NRG1: variants seen among roughly 807,000 people sequenced by gnomAD.
NRG1 encodes pro-neuregulin-1, membrane-bound isoform.
A neutral mutation model predicts 63.8 loss-of-function variants in NRG1; 18 were observed. The observed-to-expected ratio is 0.28, with a 90% CI of 0.19 to 0.42. NRG1 has a LOEUF of 0.42. Ranked by LOEUF, NRG1 falls within the 10% of genes least tolerant of loss-of-function variation. The pLI, the probability that NRG1 is intolerant of heterozygous loss-of-function variation, is 1.00. For missense variants in NRG1, 762 were observed against 814.7 expected (o/e 0.94, Z 0.79); for synonymous variants, 302 against 301.3 (o/e 1.00, Z -0.02).
intron 1 of NRG1, among the ~76,000 whole-genome samples, chr8:31,753,032 C>G (rs1816639102): frequency 6.6e-6 from 1 of 151,984 alleles, no homozygotes; most frequent in Admixed American, 6.6e-5. Flanking sequence ...CAATCTCAAT[C>G]TCTTCCTCTC....
At chr8:32,311,749 C>G (rs975579089) in intron 1 of NRG1, among the ~76,000 whole-genome samples, 8 of 152,150 alleles carry the variant, frequency 5.3e-5, no homozygotes, top group African/African-American at 7.2e-5. Context: ...TAGCACAATG[C>G]CTGCCTCTGT....
At chr8:32,555,545 C>A (rs1401028063) in intron 1 of NRG1, among the ~76,000 whole-genome samples, 2 of 152,192 alleles carry the variant, frequency 1.3e-5, no homozygotes, top group African/African-American at 2.4e-5. Context: ...CATCTCGACT[C>A]ACTGCAAGCT....
intron 1 of NRG1, among the ~76,000 whole-genome samples, chr8:32,362,775 T>A (rs769018384): frequency 2.6e-5 from 4 of 152,214 alleles, no homozygotes; most frequent in African/African-American, 7.2e-5. Flanking sequence ...GCAGAAGTTG[T>A]ACAGATGCCA....
chr8:31,741,474 C>G (rs1017688951), intron 1 of NRG1, among the ~76,000 whole-genome samples: 2 of 142,862 alleles, frequency 1.4e-5, no homozygotes, highest in African/African-American at 4.9e-5. Flanking sequence ...ATATGGAATA[C>G]ATTTAACCTA....
chr8:31,639,557 AGCAGCCGCC>A, intron 1 of NRG1: 1 of 1,445,520 alleles, frequency 6.9e-7, no homozygotes, highest in Non-Finnish European at 9.2e-7. Context: ...TCGCAGCCCC[AGCAGCCGCC>A]GCAGCATCAC....
At chr8:32,697,935 T>A (rs1813777894) in intron 5 of NRG1, among the ~76,000 whole-genome samples, 1 of 152,052 alleles carries the variant, frequency 6.6e-6, no homozygotes, top group Non-Finnish European at 1.5e-5. Context: ...TGGCCAGGCA[T>A]GGTGGTTCAC....
At chr8:32,497,425 C>T (rs1190837264) in intron 1 of NRG1, among the ~76,000 whole-genome samples, 21 of 130,798 alleles carry the variant, frequency 1.6e-4, no homozygotes, top group East Asian at 4.5e-4. Flanking sequence ...CCAGCCTGGG[C>T]GACAGAGAGA....
intron 1 of NRG1, among the ~76,000 whole-genome samples, chr8:31,974,642 A>G (rs1041616525): frequency 2.6e-5 from 4 of 152,178 alleles, no homozygotes; most frequent in Admixed American, 1.3e-4. Context: ...CTATGTTTAC[A>G]TGGGCCTTCC....
At chr8:32,067,033 G>A (rs1038349778) in intron 1 of NRG1, among the ~76,000 whole-genome samples, 20 of 152,182 alleles carry the variant, frequency 1.3e-4, no homozygotes, top group Admixed American at 4.6e-4. Flanking sequence ...TTTGCTCATC[G>A]ATTTTGTATC....
intron 1 of NRG1, among the ~76,000 whole-genome samples, chr8:31,882,309 G>A (rs1360274482): frequency 4.0e-5 from 5 of 125,518 alleles, no homozygotes; most frequent in East Asian, 5.0e-4. Flanking sequence ...GTCCACTGTT[G>A]AGACTTACTG....
At chr8:31,816,942 A>T (rs879637099) in intron 1 of NRG1, among the ~76,000 whole-genome samples, 17 of 152,204 alleles carry the variant, frequency 1.1e-4, no homozygotes, top group Admixed American at 2.6e-4. Flanking sequence ...AAGGCAGAAG[A>T]TAGGCTATAC....
At chr8:31,936,655 A>G (rs1442801109) in intron 1 of NRG1, among the ~76,000 whole-genome samples, 1 of 152,190 alleles carries the variant, frequency 6.6e-6, no homozygotes, top group Non-Finnish European at 1.5e-5. Flanking sequence ...GCCCAGATAA[A>G]TGGACTCCAA....
chr8:32,104,343 C>T (rs555381981), intron 1 of NRG1, among the ~76,000 whole-genome samples: 1 of 152,194 alleles, frequency 6.6e-6, no homozygotes, highest in African/African-American at 2.4e-5. Flanking sequence ...CTATATAAGG[C>T]ACTTCCCATG....
At chr8:32,025,743 C>G (rs182343012) in intron 1 of NRG1, among the ~76,000 whole-genome samples, 2 of 151,774 alleles carry the variant, frequency 1.3e-5, no homozygotes, top group African/African-American at 4.8e-5. Flanking sequence ...GTCAGGAGAT[C>G]GAGACCATCC....
intron 1 of NRG1, among the ~76,000 whole-genome samples, chr8:32,089,355 A>G (rs1828757218): frequency 6.6e-6 from 1 of 152,230 alleles, no homozygotes; most frequent in Non-Finnish European, 1.5e-5. Context: ...CAGAAACAAT[A>G]TGTTTAACAG....
exon 2 of NRG1, chr8:32,595,963 G>A (rs1233929760): frequency 1.9e-6 from 3 of 1,612,504 alleles, no homozygotes; most frequent in African/African-American, 1.3e-5. Flanking sequence ...GAATTGAATC[G>A]AAAAAACAAA....
At chr8:31,707,548 G>T (rs72610002) in intron 1 of NRG1, among the ~76,000 whole-genome samples, 12,508 of 152,014 alleles carry the variant, frequency 0.082, 1,395 homozygotes, top group East Asian at 0.61. Context: ...TTTAAAAATA[G>T]AATTTTATTA....
intron 1 of NRG1, among the ~76,000 whole-genome samples, chr8:32,230,092 C>T (rs964172707): frequency 8.5e-5 from 13 of 152,154 alleles, no homozygotes; most frequent in Non-Finnish European, 8.8e-5. Context: ...TCAGGAAATT[C>T]TACCTGGCTT....
At chr8:32,462,391 T>G (rs1454758169) in intron 1 of NRG1, among the ~76,000 whole-genome samples, 1 of 152,150 alleles carries the variant, frequency 6.6e-6, no homozygotes, top group Non-Finnish European at 1.5e-5. Context: ...GAGAATTACA[T>G]TCCTAGAACA....
Sources: allele counts gnomAD v4.1 joint callset (sites outside exome capture counted in the v4.1 genomes callset), GRCh38; gene constraint gnomAD v4.1.1; transcripts MANE v1.5; gene names NCBI Gene and HGNC (gene_info 2026-07-23, HGNC 2026-07-21).